Variants in ZFPM2 observed in about 807,000 individuals in gnomAD.
The protein encoded by ZFPM2 is zinc finger protein, FOG family member 2.
ZFPM2 carries 20 observed loss-of-function variants against 98.6 expected under a neutral mutation model. That is an observed-to-expected ratio of 0.20 (90% CI 0.14 to 0.29). The LOEUF (loss-of-function observed/expected upper bound fraction) is 0.29, where lower values mean the gene tolerates loss of function less well. ZFPM2 is among the 10% of genes least tolerant of loss of function. The pLI is 1.00. For missense variants in ZFPM2, 1,310 were observed against 1,388.6 expected (o/e 0.94, Z 0.90); for synonymous variants, 518 against 502.7 (o/e 1.03, Z -0.41).
At chr8:105,768,284 C>A (rs748640760) in intron 5 of ZFPM2, among the ~76,000 whole-genome samples, 1 of 151,824 alleles carries the variant, frequency 6.6e-6, no homozygotes, top group Non-Finnish European at 1.5e-5. Flanking sequence ...AAACTAAGTC[C>A]TGGGAATGTA....
Position 105,521,186 on chromosome 8 carries a change from T to TC in ZFPM2, c.302-40170dup, listed in dbSNP as rs1216003666. On this transcript the variant is annotated intron_variant, in intron 3 of 7. Coordinates refer to ENST00000407775, the MANE Select transcript of ZFPM2 (RefSeq NM_012082.4). ...ACACGCATGCACACACATGCACACC[T>TC]CCCCCCCATACACACACGGTGATCC... Among the ~76,000 whole-genome samples, 17 of 147,226 alleles carry TC rather than the reference T, an allele frequency of 1.2e-4. No homozygotes were observed. The East Asian group carries it at 3.4e-3, about 30-fold the overall frequency.
At chr8:105,795,389 A>G (rs1310013993) in intron 6 of ZFPM2, among the ~76,000 whole-genome samples, 1 of 151,922 alleles carries the variant, frequency 6.6e-6, no homozygotes, top group Admixed American at 6.6e-5. Context: ...GATGTTCTAC[A>G]TGAGTTCAAT....
chr8:105,397,535 T>C (rs2129966398), intron 1 of ZFPM2, among the ~76,000 whole-genome samples: 1 of 152,294 alleles, frequency 6.6e-6, no homozygotes, highest in Admixed American at 6.5e-5. Context: ...GTATTTCCTT[T>C]TTATGGTTGT....
At chr8:105,726,741 G>A (rs1811816308) in intron 5 of ZFPM2, among the ~76,000 whole-genome samples, 1 of 151,764 alleles carries the variant, frequency 6.6e-6, no homozygotes, top group Admixed American at 6.6e-5. Context: ...TAGGTGATAA[G>A]TGTGGCAGGA....
At chr8:105,458,445 C>T (rs1812640918) in intron 3 of ZFPM2, among the ~76,000 whole-genome samples, 1 of 152,048 alleles carries the variant, frequency 6.6e-6, no homozygotes, top group African/African-American at 2.4e-5. Context: ...TTTGTTTTCC[C>T]CCCATTACCT....
At chr8:105,352,967 A>G (rs1035240857) in intron 1 of ZFPM2, among the ~76,000 whole-genome samples, 7 of 152,150 alleles carry the variant, frequency 4.6e-5, no homozygotes, top group African/African-American at 1.7e-4. Flanking sequence ...GCACATCAAT[A>G]TGTAAAAATA....
intron 3 of ZFPM2, among the ~76,000 whole-genome samples, chr8:105,481,960 C>A (rs1451526098): frequency 5.3e-5 from 8 of 152,116 alleles, no homozygotes; most frequent in Non-Finnish European, 1.2e-4. Context: ...ATGATTTGGG[C>A]CTGAGTGAAT....
intron 5 of ZFPM2, among the ~76,000 whole-genome samples, chr8:105,716,498 A>C (rs1277542911): frequency 6.6e-6 from 1 of 151,960 alleles, no homozygotes; most frequent in Non-Finnish European, 1.5e-5. Flanking sequence ...TATGATTCAC[A>C]CTGTATGTGA....
At chr8:105,448,833 G>A (rs940071989) in intron 3 of ZFPM2, among the ~76,000 whole-genome samples, 11 of 151,998 alleles carry the variant, frequency 7.2e-5, no homozygotes, top group African/African-American at 2.7e-4. Flanking sequence ...AAACGTAAGT[G>A]GTCTTCCCTT....
intron 3 of ZFPM2, among the ~76,000 whole-genome samples, chr8:105,466,968 A>T (rs1330234541): frequency 6.6e-6 from 1 of 152,008 alleles, no homozygotes; most frequent in African/African-American, 2.4e-5. Flanking sequence ...AACTGTGGGC[A>T]TTTTGCCTAA....
Position 105,801,590 on chromosome 8 carries a change from T to G in ZFPM2, c.1508T>G (p.Phe503Cys). ...PVGPFLSQFS[F>C]PQDITMVPQA... ...GGCCCTTTCCTATCTCAGTTTTCTTTCCCCCAAGATATCACCATGGTCCCT... is the reference window on the plus strand; with the variant it reads ...GGCCCTTTCCTATCTCAGTTTTCTTGCCCCCAAGATATCACCATGGTCCCT... The change falls in exon 8 of 8, where the codon TTC becomes TGC. Residue 503 changes from phenylalanine to cysteine, a missense_variant. Coordinates refer to ENST00000407775, the MANE Select transcript of ZFPM2 (RefSeq NM_012082.4). The G allele has an allele frequency of 6.2e-7, 1 of 1,613,804 alleles. No individual in the cohort carries two copies.
intron 3 of ZFPM2, among the ~76,000 whole-genome samples, chr8:105,465,645 C>T (rs2130323061): frequency 6.6e-6 from 1 of 151,990 alleles, no homozygotes; most frequent in East Asian, 1.9e-4. Context: ...GAAAAGCCAA[C>T]TATTTGCAAT....
intron 5 of ZFPM2, among the ~76,000 whole-genome samples, chr8:105,638,071 AACTC>A (rs904846569): frequency 6.1e-5 from 9 of 146,852 alleles, no homozygotes; most frequent in Non-Finnish European, 1.2e-4. Flanking sequence ...TTTGTCCCCA[AACTC>A]TCTCTCTCTA....
intron 4 of ZFPM2, among the ~76,000 whole-genome samples, chr8:105,626,768 T>C (rs144109178): frequency 6.6e-6 from 1 of 152,296 alleles, no homozygotes; most frequent in African/African-American, 2.4e-5. Context: ...CAAACAGGCC[T>C]CAGTGCTTTT....
At chr8:105,732,906 G>A (rs1267060985) in intron 5 of ZFPM2, among the ~76,000 whole-genome samples, 1 of 151,716 alleles carries the variant, frequency 6.6e-6, no homozygotes, top group Non-Finnish European at 1.5e-5. Context: ...GCTTCTTGTT[G>A]TTAAAGTTTC....
intron 2 of ZFPM2, among the ~76,000 whole-genome samples, chr8:105,422,035 G>A (rs577788844): frequency 2.1e-3 from 240 of 116,850 alleles, no homozygotes; most frequent in African/African-American, 8.2e-3. Context: ...CGACGGGAGC[G>A]AGACTCCATC....
At chr8:105,748,449 G>A (rs558460587) in intron 5 of ZFPM2, among the ~76,000 whole-genome samples, 9 of 152,076 alleles carry the variant, frequency 5.9e-5, no homozygotes, top group South Asian at 2.1e-4. Context: ...TTAGTAAACC[G>A]TAAATGAAGC....
At chr8:105,487,062 T>A (rs1287236028) in intron 3 of ZFPM2, among the ~76,000 whole-genome samples, 3 of 152,186 alleles carry the variant, frequency 2.0e-5, no homozygotes. Flanking sequence ...TTTCATAGCT[T>A]CTTAATTCAC....
intron 5 of ZFPM2, among the ~76,000 whole-genome samples, chr8:105,705,081 C>T (rs7836412): frequency 0.32 from 48,139 of 151,904 alleles, 8,155 homozygotes; most frequent in East Asian, 0.62. Context: ...GATGTTAATA[C>T]TGGAAAGCTA....
Sources: allele counts gnomAD v4.1 joint callset (sites outside exome capture counted in the v4.1 genomes callset), GRCh38; gene constraint gnomAD v4.1.1; transcripts MANE v1.5; gene names NCBI Gene and HGNC (gene_info 2026-07-23, HGNC 2026-07-21).